Variants in GPC6 observed in about 807,000 individuals in gnomAD.
GPC6 encodes the protein glypican 6.
GPC6 carries 14 observed loss-of-function variants against 55.2 expected under a neutral mutation model. The observed-to-expected ratio is 0.25, with a 90% confidence interval of 0.17 to 0.40. The LOEUF is 0.40. Among genes scored for constraint, GPC6 ranks in the 10% least tolerant of loss-of-function variants. The probability of loss-of-function intolerance (pLI) is 1.00; values close to 1 mark genes in which losing one functional copy is unlikely to be tolerated. For synonymous variants in GPC6, 278 were observed against 259.6 expected (o/e 1.07, Z -0.68); for missense variants, 641 against 708.5 (o/e 0.90, Z 1.08).
intron 6 of GPC6, among the ~76,000 whole-genome samples, chr13:94,346,982 A>C (rs555790016): frequency 6.6e-6 from 1 of 152,242 alleles, no homozygotes; most frequent in East Asian, 1.9e-4. Flanking sequence ...CAGCCTTTCC[A>C]CCCATAGCAT....
At chr13:93,970,641 G>A (rs1055056348) in intron 3 of GPC6, among the ~76,000 whole-genome samples, 2 of 152,168 alleles carry the variant, frequency 1.3e-5, no homozygotes, top group African/African-American at 4.8e-5. Context: ...TGGAACCTCC[G>A]GTCACTCATG....
chr13:93,686,663 C>A (rs904116416), intron 2 of GPC6, among the ~76,000 whole-genome samples: 1 of 152,020 alleles, frequency 6.6e-6, no homozygotes, highest in Non-Finnish European at 1.5e-5. Flanking sequence ...GTGAATCATT[C>A]TTTTTAAGGA....
chr13:93,929,381 T>C (rs541946277), intron 3 of GPC6, among the ~76,000 whole-genome samples: 9 of 152,346 alleles, frequency 5.9e-5, no homozygotes, highest in Admixed American at 3.3e-4. Context: ...TTGTTGATAA[T>C]ACATTTATTT....
chr13:93,426,086 T>C (rs1412671857), intron 1 of GPC6, among the ~76,000 whole-genome samples: 2 of 152,190 alleles, frequency 1.3e-5, no homozygotes, highest in African/African-American at 4.8e-5. Flanking sequence ...AATTACATGT[T>C]TACATGTCTG....
intron 3 of GPC6, among the ~76,000 whole-genome samples, chr13:93,974,696 C>A (rs1411204095): frequency 6.6e-6 from 1 of 152,032 alleles, no homozygotes; most frequent in African/African-American, 2.4e-5. Context: ...ACATAACTTT[C>A]TTAAAGGAAA....
In GPC6 at chr13:93,321,163, C is replaced by T. The variant is rs538175645; in HGVS notation, c.160+93547C>T. The stretch of plus-strand genomic sequence containing the variant: ...GCTGAAGTACTGTATTCCATTCTCT[C>T]GCTTACTCAGAATTGCATCACGTTA... On this transcript the variant is annotated intron_variant, in intron 1 of 8. Coordinates refer to ENST00000377047, the MANE Select transcript of GPC6 (RefSeq NM_005708.5). Among the ~76,000 whole-genome samples, 6 of 152,216 alleles carry T rather than the reference C, an allele frequency of 3.9e-5. No homozygotes were observed. In the South Asian group the frequency reaches 1.0e-3, roughly 26 times the overall value.
chr13:94,306,789 G>T (rs922178045), intron 6 of GPC6, among the ~76,000 whole-genome samples: 1 of 152,208 alleles, frequency 6.6e-6, no homozygotes, highest in African/African-American at 2.4e-5. Flanking sequence ...ATTTAAAAAA[G>T]CTCATAATTT....
intron 4 of GPC6, among the ~76,000 whole-genome samples, chr13:94,089,851 C>T (rs1885418409): frequency 6.6e-6 from 1 of 151,880 alleles, no homozygotes; most frequent in Non-Finnish European, 1.5e-5. Context: ...AGCAAGCAGG[C>T]AAATTTGCAA....
intron 2 of GPC6, among the ~76,000 whole-genome samples, chr13:93,589,273 CA>C (rs5805812): frequency 0.9 from 137,151 of 151,984 alleles, 62,062 homozygotes; most frequent in African/African-American, 0.96. Flanking sequence ...AACATTTTCT[CA>C]AAAAAAATTT....
intron 1 of GPC6, among the ~76,000 whole-genome samples, chr13:93,404,346 T>C (rs1056160587): frequency 3.3e-5 from 5 of 151,896 alleles, no homozygotes; most frequent in Non-Finnish European, 7.4e-5. Flanking sequence ...AGGCGTGGAG[T>C]GTGGACCAGG....
chr13:93,944,703 A>G (rs543449024), intron 3 of GPC6, among the ~76,000 whole-genome samples: 1 of 152,178 alleles, frequency 6.6e-6, no homozygotes, highest in Admixed American at 6.5e-5. Flanking sequence ...TAGTTGCGCT[A>G]TATCCTGCTG....
At chr13:93,857,431 G>T (rs888231243) in intron 3 of GPC6, among the ~76,000 whole-genome samples, 3 of 151,506 alleles carry the variant, frequency 2.0e-5, no homozygotes, top group Non-Finnish European at 4.4e-5. Flanking sequence ...GTCTTGTTTA[G>T]AGAATAATAA....
At chr13:94,137,638 A>G (rs1427843971) in intron 4 of GPC6, among the ~76,000 whole-genome samples, 3 of 152,202 alleles carry the variant, frequency 2.0e-5, no homozygotes, top group African/African-American at 4.8e-5. Context: ...TGCTATATGA[A>G]AACATAATTA....
intron 4 of GPC6, among the ~76,000 whole-genome samples, chr13:94,101,907 T>C (rs1280671997): frequency 4.6e-5 from 7 of 152,126 alleles, no homozygotes; most frequent in African/African-American, 1.7e-4. Flanking sequence ...CAAAACACTG[T>C]GAGTTGTTTT....
intron 1 of GPC6, among the ~76,000 whole-genome samples, chr13:93,289,211 G>T (rs911391314): frequency 6.6e-6 from 1 of 152,090 alleles, no homozygotes; most frequent in East Asian, 1.9e-4. Context: ...ATGCACACCA[G>T]CAGGAGACAA....
At chr13:93,993,876 A>T (rs1881422168) in intron 3 of GPC6, among the ~76,000 whole-genome samples, 1 of 152,220 alleles carries the variant, frequency 6.6e-6, no homozygotes, top group Admixed American at 6.5e-5. Context: ...ACATTGTACA[A>T]AAAAGTACAG....
At chr13:93,483,304 T>A (rs999202616) in intron 1 of GPC6, among the ~76,000 whole-genome samples, 2 of 152,192 alleles carry the variant, frequency 1.3e-5, no homozygotes, top group Non-Finnish European at 2.9e-5. Context: ...CACTGTGCTT[T>A]TTTAGTTAAC....
At chr13:93,779,587 T>C (rs1191146101) in intron 2 of GPC6, among the ~76,000 whole-genome samples, 1 of 152,144 alleles carries the variant, frequency 6.6e-6, no homozygotes, top group African/African-American at 2.4e-5. Flanking sequence ...GTGATCCGGG[T>C]TCTGTGATTC....
rs756284213 is a variant in GPC6 at position 93,428,261 on chromosome 13, C to T, written c.161-117002C>T. On this transcript the variant is annotated intron_variant, in intron 1 of 8. Coordinates refer to ENST00000377047, the MANE Select transcript of GPC6 (RefSeq NM_005708.5). ...ATTTCACCCATTCAGTGAGACTTTA[C>T]GAACTAGTGTAAGGTAACATTATGG... Among the ~76,000 whole-genome samples the T allele has an allele frequency of 9.2e-5, 14 of 152,092 alleles. No individual in the cohort carries two copies. The South Asian group carries it at 1.2e-3, about 14-fold the overall frequency.
Sources: gnomAD v4.1 joint callset for allele counts (sites outside exome capture counted in the v4.1 genomes callset) on GRCh38, gnomAD v4.1.1 for gene constraint, MANE v1.5 for transcripts, NCBI Gene and HGNC (gene_info 2026-07-23, HGNC 2026-07-21) for gene names.